The following AATF variants were observed in gnomAD, a reference collection of about 807,000 sequenced individuals.
AATF encodes apoptosis antagonizing transcription factor.
AATF carries 48 observed loss-of-function variants against 63.7 expected under a neutral mutation model. The observed-to-expected ratio is 0.75, with a 90% CI of 0.60 to 0.96. The LOEUF (loss-of-function observed/expected upper bound fraction) is 0.96, where lower values mean the gene tolerates loss of function less well. AATF is among the 40% of genes least tolerant of loss of function. The pLI is 0.00. For missense variants in AATF, 639 were observed against 685.7 expected (o/e 0.93, Z 0.76); for synonymous variants, 258 against 247.7 (o/e 1.04, Z -0.39).
intron 11 of AATF, among the ~76,000 whole-genome samples, chr17:37,046,406 A>G (rs1402913286): frequency 6.6e-6 from 1 of 152,034 alleles, no homozygotes; most frequent in Admixed American, 6.6e-5. Flanking sequence ...AGGAGAACAC[A>G]TGCTCCTTGA....
intron 8 of AATF, among the ~76,000 whole-genome samples, chr17:36,991,511 A>C (rs2071214499): frequency 6.6e-6 from 1 of 152,090 alleles, no homozygotes; most frequent in South Asian, 2.1e-4. Context: ...GAGACTGTTA[A>C]GATAGACTAA....
In AATF at chr17:36,953,906, T is replaced by C. The variant is rs759018887; in HGVS notation, c.831T>C (p.Asn277=). 6.8e-6 allele frequency: 11 copies of C among 1,613,324 alleles called. No individual in the cohort carries two copies. The Admixed American group carries it at 1.3e-4, about 20-fold the overall frequency. The change falls in exon 4 of 12, where the codon AAT becomes AAC. Residue 277 remains asparagine (N), a splice_region_variant and synonymous_variant. Transcript: ENST00000619387. ...CAGAATTTTCCAGTGCCCTGAAAAATAGTAAGAATACTTATGTCCTGTTGG... is the reference window on the plus strand; with the variant it reads ...CAGAATTTTCCAGTGCCCTGAAAAACAGTAAGAATACTTATGTCCTGTTGG... ...GGPEFSSALK[N]SHKALKALLR...
At chr17:36,954,974 G>GAT (rs996194832) in intron 4 of AATF, among the ~76,000 whole-genome samples, 1 of 152,108 alleles carries the variant, frequency 6.6e-6, no homozygotes, top group Admixed American at 6.5e-5. Context: ...CATAGATATA[G>GAT]ATATATATGT....
chr17:36,971,875 C>A (rs1482762781), intron 4 of AATF, among the ~76,000 whole-genome samples: 3 of 152,188 alleles, frequency 2.0e-5, no homozygotes, highest in African/African-American at 7.2e-5. Context: ...TCAGTGGCTA[C>A]CATGGATTAG....
intron 9 of AATF, 35 bp from the exon 10 acceptor site, chr17:37,020,899 G>C: frequency 6.5e-7 from 1 of 1,535,282 alleles, no homozygotes; most frequent in Non-Finnish European, 8.9e-7. Context: ...ATTTCTGTTA[G>C]TGATGATGCA....
At chr17:37,029,312 C>A (rs1289776415) in intron 10 of AATF, among the ~76,000 whole-genome samples, 1 of 151,432 alleles carries the variant, frequency 6.6e-6, no homozygotes, top group Non-Finnish European at 1.5e-5. Flanking sequence ...GGCCTGATCT[C>A]GGCTCACTGC....
At chr17:36,952,111 T>C (rs1164960525) in intron 2 of AATF, among the ~76,000 whole-genome samples, 3 of 152,246 alleles carry the variant, frequency 2.0e-5, no homozygotes, top group African/African-American at 7.2e-5. Context: ...TAGTCTCATC[T>C]CCCATCACTT....
At chr17:36,950,145 C>A in intron 1 of AATF, 69 bp from the exon 2 acceptor site, 4 of 1,533,228 alleles carry the variant, frequency 2.6e-6, no homozygotes, top group Non-Finnish European at 3.5e-6. Flanking sequence ...ATAAATGGGT[C>A]GACCAGGGTT....
rs1454744438 is a variant in AATF, at chr17:36,977,491, A to T, written c.833-9126A>T. On this transcript the variant is annotated intron_variant, in intron 4 of 11. Coordinates refer to ENST00000619387, the MANE Select transcript of AATF (RefSeq NM_012138.4). ...GCAGAGGCTGTTTTTTTTTTTAAAGACGTTATAATATGAAAGAGTGAGACT... is the reference window on the plus strand; with the variant it reads ...GCAGAGGCTGTTTTTTTTTTTAAAGTCGTTATAATATGAAAGAGTGAGACT... Among the ~76,000 whole-genome samples, 3 of 151,838 alleles carry T rather than the reference A, an allele frequency of 2.0e-5. No homozygotes were observed. In the East Asian group the frequency reaches 5.8e-4, roughly 29 times the overall value.
chr17:37,053,458 G>T (rs2071770897), intron 11 of AATF, among the ~76,000 whole-genome samples: 1 of 152,074 alleles, frequency 6.6e-6, no homozygotes, highest in African/African-American at 2.4e-5. Flanking sequence ...TGGCCAAGAA[G>T]TATGATAAGG....
chr17:36,983,110 C>G (rs2071139923), intron 4 of AATF, among the ~76,000 whole-genome samples: 1 of 152,048 alleles, frequency 6.6e-6, no homozygotes, highest in South Asian at 2.1e-4. Context: ...GGCGTGATCA[C>G]AGCTCACTGC....
At position 36,949,574 on chromosome 17, in the gene AATF, A is replaced by G. The variant is rs116648924; in HGVS notation, c.91+358A>G. On this transcript the variant is annotated intron_variant, in intron 1 of 11. Coordinates refer to ENST00000619387, the MANE Select transcript of AATF (RefSeq NM_012138.4). ...CCTTTCTGGTATTGCGTTAGAAAGG[A>G]GGAGAAGAAAGTCGCATGTTTTTAA... Among the ~76,000 whole-genome samples, 832 of 152,338 alleles carry G rather than the reference A, an allele frequency of 5.5e-3. 9 individuals are homozygous for G. The highest frequency in any genetic ancestry group is 0.019 in the African/African-American group (774 of 41,596).
intron 8 of AATF, among the ~76,000 whole-genome samples, chr17:37,015,890 T>C (rs1186485144): frequency 1.3e-5 from 2 of 152,202 alleles, no homozygotes; most frequent in Non-Finnish European, 2.9e-5. Flanking sequence ...ATTCTGGAGC[T>C]TCTGTGGTTC....
chr17:36,970,762 G>A lies in AATF; in HGVS notation c.833-15855G>A, dbSNP rs542360187. Among the ~76,000 whole-genome samples, 60 of 151,410 alleles carry A rather than the reference G, an allele frequency of 4.0e-4. 3 individuals are homozygous for A. Among genetic ancestry groups the A allele is most frequent in the Admixed American group, 3.7e-3 (57 of 15,216 alleles). On this transcript the variant is annotated intron_variant, in intron 4 of 11. Coordinates refer to ENST00000619387, the MANE Select transcript of AATF (RefSeq NM_012138.4). ...TTGTTACGTTTCCCAGGCTGGTCTC[G>A]AACTCCTGCCCTCCTGCCTCGGCCT...
chr17:37,011,353 C>T (rs1463389660), intron 8 of AATF, among the ~76,000 whole-genome samples: 2 of 151,866 alleles, frequency 1.3e-5, no homozygotes, highest in African/African-American at 2.4e-5. Flanking sequence ...CCAGCCTGGG[C>T]GACAGAGCAA....
intron 11 of AATF, chr17:37,052,629 T>TAC (rs2142331285): frequency 6.6e-6 from 1 of 152,390 alleles, no homozygotes; most frequent in African/African-American, 2.4e-5. Context: ...TCTTCAGACG[T>TAC]ACGCTCTTTC....
chr17:37,022,734 T>G (rs973263372), intron 10 of AATF, among the ~76,000 whole-genome samples: 3 of 152,186 alleles, frequency 2.0e-5, no homozygotes, highest in Non-Finnish European at 4.4e-5. Context: ...CCTTGAATGG[T>G]TGCTGTGACG....
At chr17:37,020,670 A>T (rs1464842756) in intron 9 of AATF, among the ~76,000 whole-genome samples, 1 of 152,214 alleles carries the variant, frequency 6.6e-6, no homozygotes, top group African/African-American at 2.4e-5. Context: ...AGACTGGTAG[A>T]TTTAGTGCTT....
At chr17:36,949,263 C>T (rs1005464467) in intron 1 of AATF, 47 bp downstream of exon 1, 3 of 1,533,088 alleles carry the variant, frequency 2.0e-6, no homozygotes, top group Non-Finnish European at 2.6e-6. Context: ...TGGGCCAGGC[C>T]CTGTGGGGCA....
Sources: gnomAD v4.1 joint callset for allele counts (sites outside exome capture counted in the v4.1 genomes callset) on GRCh38, gnomAD v4.1.1 for gene constraint, MANE v1.5 for transcripts, NCBI Gene and HGNC (gene_info 2026-07-23, HGNC 2026-07-21) for gene names.